CBL: variants seen among roughly 807,000 people sequenced by gnomAD.
CBL encodes E3 ubiquitin-protein ligase CBL.
CBL carries 45 observed loss-of-function variants against 96.9 expected under a neutral mutation model. That is an observed-to-expected ratio of 0.46 (90% CI 0.37 to 0.60). CBL has a LOEUF of 0.60. Among genes scored for constraint, CBL ranks in the 20% least tolerant of loss-of-function variants. The pLI is 0.00. For missense variants in CBL, 1,024 were observed against 1,143.5 expected (o/e 0.90, Z 1.51); for synonymous variants, 420 against 426.8 (o/e 0.98, Z 0.20).
intron 12 of CBL, among the ~76,000 whole-genome samples, chr11:119,296,164 A>G (rs1950061164): frequency 6.6e-6 from 1 of 152,192 alleles, no homozygotes; most frequent in Admixed American, 6.5e-5. Flanking sequence ...AACGAAAGAG[A>G]TGCTCCTTGT....
At chr11:119,245,854 A>G (rs187284416) in intron 2 of CBL, among the ~76,000 whole-genome samples, 8 of 148,618 alleles carry the variant, frequency 5.4e-5, no homozygotes, top group African/African-American at 2.0e-4. Flanking sequence ...GGATCTCACT[A>G]TGTTGCCCGG....
intron 1 of CBL, among the ~76,000 whole-genome samples, chr11:119,229,645 GAAAAC>G (rs1949486272): frequency 6.6e-6 from 1 of 151,646 alleles, no homozygotes; most frequent in South Asian, 2.1e-4. Flanking sequence ...AAAAACTTAA[GAAAAC>G]AAGAGTTCAA....
intron 2 of CBL, among the ~76,000 whole-genome samples, chr11:119,243,287 A>G (rs1413422891): frequency 6.6e-6 from 1 of 152,076 alleles, no homozygotes; most frequent in African/African-American, 2.4e-5. Context: ...CAAAAAGAAG[A>G]TAAGACTTAG....
At chr11:119,266,723 T>C (rs1041706170) in intron 2 of CBL, among the ~76,000 whole-genome samples, 26 of 152,046 alleles carry the variant, frequency 1.7e-4, no homozygotes, top group African/African-American at 6.3e-4. Flanking sequence ...TAGAGTAGAA[T>C]TTGTAGTTCC....
intron 2 of CBL, among the ~76,000 whole-genome samples, chr11:119,258,692 A>C (rs942695157): frequency 2.0e-5 from 3 of 152,124 alleles, no homozygotes; most frequent in Non-Finnish European, 4.4e-5. Flanking sequence ...TAATAGTATA[A>C]TTTGATGTTG....
At chr11:119,279,090 A>G (rs1417919337) in intron 9 of CBL, among the ~76,000 whole-genome samples, 2 of 151,654 alleles carry the variant, frequency 1.3e-5, no homozygotes, top group Non-Finnish European at 2.9e-5. Flanking sequence ...GACTTTATTC[A>G]TATCTGTTGG....
intron 1 of CBL, among the ~76,000 whole-genome samples, chr11:119,207,031 C>T (rs1174952164): frequency 2.0e-5 from 3 of 151,974 alleles, no homozygotes; most frequent in Non-Finnish European, 4.4e-5. Context: ...CCGGCTGGGG[C>T]TCTTGGCTGG....
chr11:119,231,610 A>C lies in CBL; in HGVS notation c.196-838A>C, dbSNP rs553354823. On this transcript the variant is annotated intron_variant, in intron 1 of 15. Coordinates refer to ENST00000264033, the MANE Select transcript of CBL (RefSeq NM_005188.4). ...ATAATCCCAGCTACTCAGGAGGCTG[A>C]GGCAGGAGAATCGCTTGAACCCGGG... is the stretch of plus-strand genomic sequence containing the variant. Among the ~76,000 whole-genome samples, 266 of 152,088 alleles carry C rather than the reference A, an allele frequency of 1.7e-3. 1 individual carries two copies. Among genetic ancestry groups the C allele is most frequent in the African/African-American group, 6.1e-3 (253 of 41,492 alleles).
chr11:119,268,349 G>T (rs1311454955), intron 2 of CBL, among the ~76,000 whole-genome samples: 1 of 152,130 alleles, frequency 6.6e-6, no homozygotes, highest in Non-Finnish European at 1.5e-5. Context: ...CCACAGATTG[G>T]CAACAAATTG....
Position 119,271,877 on chromosome 11 carries a change from G to GA in CBL, c.590dup (p.Thr198AspfsTer14). On this transcript the variant is annotated frameshift_variant, in exon 3 of 16. Coordinates refer to ENST00000264033, the MANE Select transcript of CBL (RefSeq NM_005188.4). LOFTEE classifies it high-confidence loss of function. ...GGAATTTTGGAGAAAAGCTTTTGGG[G>GA]AAAAGTAAGTCTCAGAATAATGAAT... The GA allele has an allele frequency of 6.2e-7, 1 of 1,613,796 alleles. No homozygotes were observed. The highest frequency in any genetic ancestry group is 1.3e-5 in the African/African-American group (1 of 74,988).
Position 119,299,613 on chromosome 11 carries a change from C to T in CBL, c.2553C>T (p.Ala851=), listed in dbSNP as rs1440672931. The T allele has an allele frequency of 1.2e-6, 2 of 1,614,212 alleles. No homozygotes were observed. Among genetic ancestry groups the T allele is most frequent in the Non-Finnish European group, 1.7e-6 (2 of 1,180,028 alleles). ...GTAGTGGTCCTGCCGCCTCTGCTGC[C>T]ACCGCCTCACCTCAGCTCTCCAGTG... ...QQGSGPAASA[A]TASPQLSSEI... Residue 851 remains alanine, a synonymous_variant, in exon 16 of 16, where the codon GCC becomes GCT. Coordinates refer to ENST00000264033, the MANE Select transcript of CBL (RefSeq NM_005188.4).
intron 1 of CBL, among the ~76,000 whole-genome samples, chr11:119,231,585 A>G (rs895694924): frequency 1.3e-4 from 19 of 151,728 alleles, no homozygotes; most frequent in African/African-American, 4.4e-4. Flanking sequence ...GTGCATGCCT[A>G]TAATCCCAGC....
chr11:119,267,332 T>A (rs1949810466), intron 2 of CBL, among the ~76,000 whole-genome samples: 1 of 152,220 alleles, frequency 6.6e-6, no homozygotes. Context: ...TTGTGGTCAA[T>A]AACTTTTTGT....
At chr11:119,292,982 G>T (rs1264402387) in intron 12 of CBL, among the ~76,000 whole-genome samples, 1 of 152,188 alleles carries the variant, frequency 6.6e-6, no homozygotes, top group Non-Finnish European at 1.5e-5. Context: ...GTAGAGAAGT[G>T]TATTTGATGT....
At chr11:119,270,415 T>TA (rs1430377200) in intron 2 of CBL, among the ~76,000 whole-genome samples, 23 of 94,898 alleles carry the variant, frequency 2.4e-4, no homozygotes, top group African/African-American at 5.8e-4. Flanking sequence ...TCAGCTAATT[T>TA]TTATATATAT....
intron 2 of CBL, among the ~76,000 whole-genome samples, chr11:119,233,116 C>T (rs1177737239): frequency 6.6e-6 from 1 of 152,014 alleles, no homozygotes; most frequent in African/African-American, 2.4e-5. Flanking sequence ...ACTAGTTTAA[C>T]TTTTTAAAAC....
chr11:119,216,564 G>A (rs1363438393), intron 1 of CBL, among the ~76,000 whole-genome samples: 1 of 151,840 alleles, frequency 6.6e-6, no homozygotes, highest in African/African-American at 2.4e-5. Flanking sequence ...TAGAGATGGG[G>A]TTTCACCATG....
intron 12 of CBL, among the ~76,000 whole-genome samples, chr11:119,292,046 T>C (rs1591267444): frequency 6.6e-6 from 1 of 152,130 alleles, no homozygotes; most frequent in South Asian, 2.1e-4. Flanking sequence ...AGAGATGGGG[T>C]TTCACCATTT....
chr11:119,260,970 A>C (rs1009495586), intron 2 of CBL, among the ~76,000 whole-genome samples: 1 of 109,710 alleles, frequency 9.1e-6, no homozygotes, highest in African/African-American at 5.0e-5. Context: ...AATGGAGGCA[A>C]AGTCTCCAGG....
Sources: allele counts gnomAD v4.1 joint callset (sites outside exome capture counted in the v4.1 genomes callset), GRCh38; gene constraint gnomAD v4.1.1; transcripts MANE v1.5; gene names NCBI Gene and HGNC (gene_info 2026-07-23, HGNC 2026-07-21).